The following CDH18 variants were observed in gnomAD, a reference collection of about 807,000 sequenced individuals.
The protein encoded by CDH18 is cadherin-18.
A neutral mutation model predicts 67.9 loss-of-function variants in CDH18; 31 were observed. The ratio of observed to expected loss-of-function variants is 0.46; its 90% CI spans 0.34 to 0.62. CDH18 has a LOEUF of 0.62. Ranked by LOEUF, CDH18 falls within the 20% of genes least tolerant of loss-of-function variation. The probability of loss-of-function intolerance (pLI) is 0.01; values close to 1 mark genes in which losing one functional copy is unlikely to be tolerated. For synonymous variants in CDH18, 362 were observed against 347.2 expected (o/e 1.04, Z -0.48); for missense variants, 890 against 975.5 (o/e 0.91, Z 1.17).
chr5:20,256,524 T>C (rs538639934), intron 1 of CDH18, among the ~76,000 whole-genome samples: 2 of 152,202 alleles, frequency 1.3e-5, no homozygotes, highest in East Asian at 3.9e-4. Flanking sequence ...TTATTTATAC[T>C]AGGAATAAAA....
rs146977308 is a variant in CDH18, at chr5:20,323,707, C to T, written c.-579-68202G>A. On this transcript the variant is annotated intron_variant, in intron 1 of 14. Coordinates refer to the CDH18 transcript ENST00000507958. ...GCACTAAACTATCTTAGTTCTTTTGCATTTATGCATTTGAAGTGTGATGCA... is the reference window on the plus strand; with the variant it reads ...GCACTAAACTATCTTAGTTCTTTTGTATTTATGCATTTGAAGTGTGATGCA... 7.3e-3 allele frequency among the ~76,000 whole-genome samples: 1,119 copies of T among 152,270 alleles called. 11 individuals carry two copies. The highest frequency in any genetic ancestry group is 0.025 in the African/African-American group (1,056 of 41,570).
chr5:19,899,327 G>T (rs527306818), intron 2 of CDH18, among the ~76,000 whole-genome samples: 4 of 151,030 alleles, frequency 2.6e-5, no homozygotes, highest in Non-Finnish European at 4.4e-5. Flanking sequence ...TTGAACCTGC[G>T]AGGCAGAGGT....
intron 2 of CDH18, among the ~76,000 whole-genome samples, chr5:20,178,080 C>T (rs559986893): frequency 1.3e-5 from 2 of 152,230 alleles, no homozygotes; most frequent in Non-Finnish European, 2.9e-5. Flanking sequence ...AAGGATGACT[C>T]TTTCTCAGTT....
intron 1 of CDH18, among the ~76,000 whole-genome samples, chr5:20,309,927 T>G (rs1736840941): frequency 6.6e-6 from 1 of 152,216 alleles, no homozygotes; most frequent in Non-Finnish European, 1.5e-5. Flanking sequence ...TTCTTTTGTT[T>G]CACTGAATTC....
At chr5:20,138,315 C>G (rs1451816556) in intron 2 of CDH18, among the ~76,000 whole-genome samples, 2 of 152,090 alleles carry the variant, frequency 1.3e-5, no homozygotes, top group Non-Finnish European at 2.9e-5. Flanking sequence ...GGATGTATCT[C>G]AAAATAATAA....
Position 19,497,522 on chromosome 5 carries a change from C to A in CDH18, c.1630+5470G>T, listed in dbSNP as rs775026792. 2.0e-4 allele frequency among the ~76,000 whole-genome samples: 30 copies of A among 152,158 alleles called. 1 individual carries two copies. The highest frequency in any genetic ancestry group is 4.4e-5 in the Non-Finnish European group (3 of 68,046). On this transcript the variant is annotated intron_variant, in intron 11 of 12. Coordinates refer to ENST00000382275, the MANE Select transcript of CDH18 (RefSeq NM_004934.5). The stretch of plus-strand genomic sequence containing the variant: ...TTTGTTCTGCAACGTTCAGGTGAAT[C>A]ATCAGATTCCAAATTCAAGAGGGTT...
At chr5:20,227,780 G>T (rs1580527613) in intron 2 of CDH18, among the ~76,000 whole-genome samples, 1 of 151,916 alleles carries the variant, frequency 6.6e-6, no homozygotes, top group African/African-American at 2.4e-5. Flanking sequence ...GAGCCACCAT[G>T]CTCAGTCTCT....
chr5:19,830,863 G>A (rs958781242), intron 3 of CDH18, among the ~76,000 whole-genome samples: 5 of 152,092 alleles, frequency 3.3e-5, no homozygotes, highest in South Asian at 2.1e-4. Context: ...CCTTGAAAAT[G>A]TATGAGATCA....
At chr5:20,287,567 C>G (rs985482651) in intron 1 of CDH18, among the ~76,000 whole-genome samples, 1 of 151,606 alleles carries the variant, frequency 6.6e-6, no homozygotes, top group African/African-American at 2.4e-5. Flanking sequence ...AAGCTCACAG[C>G]CTTAGAATTT....
chr5:20,286,749 C>T (rs1746724255), intron 1 of CDH18, among the ~76,000 whole-genome samples: 1 of 151,626 alleles, frequency 6.6e-6, no homozygotes, highest in Non-Finnish European at 1.5e-5. Context: ...TTCTTTATTT[C>T]CTGCCTTCAT....
At chr5:19,639,141 T>C (rs1344645112) in intron 5 of CDH18, among the ~76,000 whole-genome samples, 2 of 152,044 alleles carry the variant, frequency 1.3e-5, no homozygotes, top group Non-Finnish European at 2.9e-5. Context: ...CAGCTGGGAC[T>C]ACAGGCACCC....
chr5:19,932,174 A>G (rs990729851), intron 2 of CDH18, among the ~76,000 whole-genome samples: 1 of 151,878 alleles, frequency 6.6e-6, no homozygotes, highest in East Asian at 1.9e-4. Context: ...TCTGAGAACT[A>G]TAAGACACGT....
chr5:19,638,989 T>G (rs1561521129), intron 5 of CDH18, among the ~76,000 whole-genome samples: 5 of 92,166 alleles, frequency 5.4e-5, no homozygotes, highest in African/African-American at 2.0e-4. Flanking sequence ...TTTTTTTTTT[T>G]TTTTTTTTTT....
chr5:20,279,480 C>T (rs1049932936), intron 1 of CDH18, among the ~76,000 whole-genome samples: 1 of 151,792 alleles, frequency 6.6e-6, no homozygotes, highest in African/African-American at 2.4e-5. Context: ...AGGTGGATCA[C>T]CTGAGGACAG....
intron 1 of CDH18, among the ~76,000 whole-genome samples, chr5:20,372,838 TA>T (rs200034825): frequency 6.6e-6 from 1 of 152,166 alleles, no homozygotes; most frequent in Non-Finnish European, 1.5e-5. Context: ...GGATATTTTT[TA>T]TTTTTTTTTC....
At chr5:19,550,921 A>G (rs1737322414) in intron 8 of CDH18, among the ~76,000 whole-genome samples, 2 of 152,154 alleles carry the variant, frequency 1.3e-5, no homozygotes, top group Admixed American at 6.5e-5. Context: ...GCTCTCCAGC[A>G]CCTGTTGTTT....
intron 1 of CDH18, among the ~76,000 whole-genome samples, chr5:20,428,442 A>G (rs554424040): frequency 2.0e-5 from 3 of 152,078 alleles, no homozygotes; most frequent in African/African-American, 4.8e-5. Context: ...TGATTTATAA[A>G]CCTTTGGGTA....
At chr5:20,439,874 G>A (rs891809146) in intron 1 of CDH18, among the ~76,000 whole-genome samples, 3 of 151,386 alleles carry the variant, frequency 2.0e-5, no homozygotes, top group Non-Finnish European at 1.5e-5. Context: ...TTTATTATAC[G>A]GCTTTTGAAG....
At chr5:19,953,611 T>C (rs1795998738) in intron 2 of CDH18, among the ~76,000 whole-genome samples, 2 of 152,102 alleles carry the variant, frequency 1.3e-5, no homozygotes, top group Admixed American at 6.6e-5. Context: ...AATACATGTT[T>C]ATCTGCCAGA....
Sources: allele counts gnomAD v4.1 joint callset (sites outside exome capture counted in the v4.1 genomes callset), GRCh38; gene constraint gnomAD v4.1.1; transcripts MANE v1.5; gene names NCBI Gene and HGNC (gene_info 2026-07-23, HGNC 2026-07-21).